RBFOX1: variants seen among roughly 807,000 people sequenced by gnomAD.
RBFOX1 encodes the protein RNA binding protein fox-1 homolog 1.
RBFOX1 carries 8 observed loss-of-function variants against 57.7 expected under a neutral mutation model. The ratio of observed to expected loss-of-function variants is 0.14; its 90% CI spans 0.08 to 0.25. The LOEUF is 0.25. Among genes scored for constraint, RBFOX1 ranks in the 10% least tolerant of loss-of-function variants. The pLI is 1.00. For synonymous variants in RBFOX1, 326 were observed against 222.4 expected (o/e 1.47, Z -4.15); for missense variants, 611 against 548.5 (o/e 1.11, Z -1.14).
chr16:6,924,407 T>A (rs2075136763), intron 3 of RBFOX1, among the ~76,000 whole-genome samples: 1 of 151,570 alleles, frequency 6.6e-6, no homozygotes, highest in African/African-American at 2.4e-5. Flanking sequence ...AACAACCAGA[T>A]CTCGTGTGAA....
At chr16:7,020,524 A>G (rs1197994238) in intron 3 of RBFOX1, among the ~76,000 whole-genome samples, 2 of 152,186 alleles carry the variant, frequency 1.3e-5, no homozygotes, top group African/African-American at 4.8e-5. Context: ...CAGCCAATCT[A>G]AAATATTTTC....
intron 4 of RBFOX1, among the ~76,000 whole-genome samples, chr16:7,252,912 C>T (rs1050358312): frequency 6.6e-6 from 1 of 152,036 alleles, no homozygotes; most frequent in Admixed American, 6.6e-5. Context: ...CTTAGAGCCT[C>T]CAAAAATGCA....
chr16:6,882,314 T>C (rs1031970014), intron 3 of RBFOX1, among the ~76,000 whole-genome samples: 50 of 152,198 alleles, frequency 3.3e-4, no homozygotes, highest in African/African-American at 1.2e-3. Flanking sequence ...GTCTCATCCT[T>C]GTTGTTTGCA....
intron 2 of RBFOX1, among the ~76,000 whole-genome samples, chr16:5,485,128 C>G (rs535192131): frequency 6.6e-6 from 1 of 151,690 alleles, no homozygotes; most frequent in Non-Finnish European, 1.5e-5. Flanking sequence ...GGGCGGATGA[C>G]GAGGTCAGAA....
intron 3 of RBFOX1, among the ~76,000 whole-genome samples, chr16:5,674,073 C>G (rs1362201106): frequency 6.6e-6 from 1 of 152,156 alleles, no homozygotes; most frequent in East Asian, 1.9e-4. Context: ...GTTGTCCATC[C>G]TCTATGTAGT....
intron 1 of RBFOX1, among the ~76,000 whole-genome samples, chr16:5,295,122 C>CAAA (rs576701611): frequency 6.0e-4 from 89 of 149,350 alleles, no homozygotes; most frequent in Middle Eastern, 3.5e-3. Flanking sequence ...GTCAGAAATA[C>CAAA]ATTTGGTATA....
At chr16:7,384,300 G>T (rs2097841703) in intron 4 of RBFOX1, among the ~76,000 whole-genome samples, 1 of 152,030 alleles carries the variant, frequency 6.6e-6, no homozygotes, top group African/African-American at 2.4e-5. Context: ...GCAGGGAAAA[G>T]GGGACAGTCA....
chr16:7,041,499 C>T (rs896037858), intron 3 of RBFOX1, among the ~76,000 whole-genome samples: 5 of 152,220 alleles, frequency 3.3e-5, no homozygotes, highest in African/African-American at 1.2e-4. Context: ...CTGTGACAAG[C>T]GCTGTCCTTA....
chr16:6,972,807 A>G (rs1275295611), intron 3 of RBFOX1, among the ~76,000 whole-genome samples: 1 of 151,888 alleles, frequency 6.6e-6, no homozygotes, highest in African/African-American at 2.4e-5. Flanking sequence ...TTTCTGTTCA[A>G]ATTCATATTT....
intron 3 of RBFOX1, among the ~76,000 whole-genome samples, chr16:6,851,932 T>C (rs2094091643): frequency 6.6e-6 from 1 of 151,206 alleles, no homozygotes; most frequent in Admixed American, 6.6e-5. Flanking sequence ...TTGGGTTTTT[T>C]TTTTTTTTCT....
At position 7,470,726 on chromosome 16, in the gene RBFOX1, C is replaced by G. The variant is rs1169892840; in HGVS notation, c.28-47421C>G. 2.0e-5 allele frequency among the ~76,000 whole-genome samples: 3 copies of G among 151,794 alleles called. No individual in the cohort carries two copies. In the East Asian group the frequency reaches 5.8e-4, roughly 29 times the overall value. ...TAGATGGGGGGAAAGATGAATATAT[C>G]CAGAGGATGAGCCCAAGCAGATTCC... On this transcript the variant is annotated intron_variant, in intron 4 of 15. Transcript: ENST00000550418.
Position 6,035,646 on chromosome 16 carries a change from T to C in RBFOX1, c.-127+15654T>C, listed in dbSNP as rs145788769. Among the ~76,000 whole-genome samples, 4 of 152,298 alleles carry C rather than the reference T, an allele frequency of 2.6e-5. No homozygotes were observed. The East Asian group carries it at 7.7e-4, about 29-fold the overall frequency. On this transcript the variant is annotated intron_variant, in intron 1 of 15. Coordinates refer to ENST00000550418, the MANE Select transcript of RBFOX1 (RefSeq NM_018723.4). ...AGCGGGAGGCATCAGCCCTCCCAGC[T>C]CCCTGCACGTGGCAGACATTGATAA...
chr16:7,695,539 A>T (rs62010245), intron 14 of RBFOX1, among the ~76,000 whole-genome samples: 1 of 151,710 alleles, frequency 6.6e-6, no homozygotes, highest in Non-Finnish European at 1.5e-5. Flanking sequence ...TGTAATCCCA[A>T]CTACTCAGGA....
intron 1 of RBFOX1, among the ~76,000 whole-genome samples, chr16:5,266,313 C>T (rs1292288269): frequency 6.6e-6 from 1 of 152,130 alleles, no homozygotes; most frequent in Non-Finnish European, 1.5e-5. Context: ...AGTAACACAA[C>T]TCCCCCCAAG....
intron 10 of RBFOX1, among the ~76,000 whole-genome samples, chr16:7,620,464 C>T (rs947537915): frequency 3.0e-4 from 45 of 152,194 alleles, no homozygotes; most frequent in African/African-American, 1.0e-3. Context: ...GCATTTGCCT[C>T]CTCTATGTCT....
intron 3 of RBFOX1, among the ~76,000 whole-genome samples, chr16:5,865,503 A>G (rs1428760375): frequency 6.6e-6 from 1 of 152,134 alleles, no homozygotes; most frequent in Non-Finnish European, 1.5e-5. Flanking sequence ...TCTCCTGTTT[A>G]GAGGGCTAAT....
chr16:6,894,320 C>G (rs2066238084), intron 3 of RBFOX1, among the ~76,000 whole-genome samples: 1 of 152,122 alleles, frequency 6.6e-6, no homozygotes, highest in Admixed American at 6.6e-5. Flanking sequence ...TTGAAATCCC[C>G]CAGATAGCTC....
At chr16:5,674,560 C>T (rs1346135925) in intron 3 of RBFOX1, among the ~76,000 whole-genome samples, 2 of 152,198 alleles carry the variant, frequency 1.3e-5, no homozygotes, top group African/African-American at 2.4e-5. Flanking sequence ...GGCTTCCTGG[C>T]AGAGCCCAGG....
chr16:7,165,120 C>A (rs1319533349), intron 4 of RBFOX1, among the ~76,000 whole-genome samples: 1 of 152,138 alleles, frequency 6.6e-6, no homozygotes, highest in East Asian at 1.9e-4. Flanking sequence ...AGTAGTCATC[C>A]ATTTTCGCAG....
Sources: allele counts gnomAD v4.1 joint callset (sites outside exome capture counted in the v4.1 genomes callset), GRCh38; gene constraint gnomAD v4.1.1; transcripts MANE v1.5; gene names NCBI Gene and HGNC (gene_info 2026-07-23, HGNC 2026-07-21).